Variants in STEAP3 observed in about 807,000 individuals in gnomAD.
STEAP3 encodes the protein STEAP3 metalloreductase, also known as metalloreductase STEAP3.
Under a neutral mutation model 34.9 loss-of-function variants are expected in STEAP3, and 35 were observed. The observed-to-expected ratio is 1.00, with a 90% confidence interval of 0.76 to 1.33. The LOEUF (loss-of-function observed/expected upper bound fraction) is 1.33. Among genes scored for constraint, STEAP3 ranks in the 40% most tolerant of loss-of-function variants. The pLI is 0.00. For synonymous variants in STEAP3, 281 were observed against 301.6 expected, an observed-to-expected ratio of 0.93 and a Z score of 0.71; for missense variants, 652 against 667.6, an observed-to-expected ratio of 0.98 and a Z score of 0.26.
chr2:119,248,166 G>T lies in STEAP3; in HGVS notation c.1010G>T (p.Arg337Leu). Residue 337 changes from arginine (R) to leucine (L), a missense_variant, in exon 4 of 6, where the codon CGC becomes CTC. Transcript: ENST00000393110. ...TACAGCTTCTGCTTGCCGCTGCGCC[G>T]CGCCCACCGCTACGACCTGGTCAAC... ...ALYSFCLPLRRAHRYDLVNLA... is the reference protein window; with the variant it reads ...ALYSFCLPLRLAHRYDLVNLA... 6.2e-7 allele frequency: 1 copy of T among 1,603,772 alleles called. No individual in the cohort carries two copies.
intron 5 of STEAP3, chr2:119,257,659 G>C (rs1677815681): frequency 1.4e-6 from 2 of 1,441,378 alleles, no homozygotes; most frequent in Non-Finnish European, 9.1e-7. Flanking sequence ...CAGGATGCGT[G>C]CAGCCAACAG....
intron 4 of STEAP3, among the ~76,000 whole-genome samples, chr2:119,252,774 C>T (rs532689680): frequency 2.6e-5 from 4 of 152,148 alleles, no homozygotes; most frequent in Non-Finnish European, 5.9e-5. Context: ...TGTCCTCATG[C>T]GGGTCTTTGC....
At chr2:119,235,337 G>A (rs2104799538) in intron 2 of STEAP3, among the ~76,000 whole-genome samples, 1 of 152,316 alleles carries the variant, frequency 6.6e-6, no homozygotes, top group Non-Finnish European at 1.5e-5. Flanking sequence ...AGACAGCATG[G>A]ATACTCGAAG....
chr2:119,256,661 G>T (rs547563397), intron 5 of STEAP3, among the ~76,000 whole-genome samples: 2 of 152,202 alleles, frequency 1.3e-5, no homozygotes, highest in Non-Finnish European at 1.5e-5. Flanking sequence ...AGAGCAGGGG[G>T]GGTTAGGTGG....
intron 5 of STEAP3, among the ~76,000 whole-genome samples, chr2:119,260,596 A>G (rs549794232): frequency 6.6e-6 from 1 of 152,298 alleles, no homozygotes; most frequent in East Asian, 1.9e-4. Flanking sequence ...GCACCCAGCC[A>G]AGACTTATTC....
In STEAP3 at chr2:119,230,917, A is replaced by C; in HGVS notation, c.-96A>C. 6.4e-7 allele frequency: 1 copy of C among 1,554,954 alleles called. No individual in the cohort carries two copies. The highest frequency in any genetic ancestry group is 1.1e-5 in the South Asian group (1 of 89,834). On this transcript the variant is annotated 5_prime_UTR_variant, in exon 2 of 6. Transcript: ENST00000393110. ...GAAACCGAGAGTCAGAACCAAAGCCAGGCTGTCCTGGTTGGAGACTGAGCC... is the reference window on the plus strand; with the variant it reads ...GAAACCGAGAGTCAGAACCAAAGCCCGGCTGTCCTGGTTGGAGACTGAGCC...
intron 4 of STEAP3, chr2:119,248,516 C>T (rs550344373): frequency 1.3e-4 from 42 of 335,010 alleles, no homozygotes; most frequent in African/African-American, 6.5e-4. Context: ...GGAAAGCAAG[C>T]GTGGGCGGTG....
chr2:119,251,925 T>A (rs1677638877), intron 4 of STEAP3, among the ~76,000 whole-genome samples: 1 of 152,134 alleles, frequency 6.6e-6, no homozygotes, highest in African/African-American at 2.4e-5. Context: ...TTGCATTTTG[T>A]AAATACTTTT....
chr2:119,258,653 G>T lies in STEAP3; in HGVS notation c.1215+3805G>T, dbSNP rs1352684611. 5.5e-5 allele frequency among the ~76,000 whole-genome samples: 7 copies of T among 127,086 alleles called. No homozygotes were observed. In the South Asian group the frequency reaches 1.4e-3, roughly 25 times the overall value. The allele number at this position is 127,086 out of a possible 152,430, so 83.4% of individuals were successfully genotyped here. ...GACGGAGTCTCACTCCGTCACCCAGGCTGGAGTGCAGTGGCACAATCTCGG... is the reference window on the plus strand; with the variant it reads ...GACGGAGTCTCACTCCGTCACCCAGTCTGGAGTGCAGTGGCACAATCTCGG... On this transcript the variant is annotated intron_variant, in intron 5 of 5. Transcript: ENST00000393110.
At chr2:119,227,850 G>C (rs1035509182) in intron 1 of STEAP3, among the ~76,000 whole-genome samples, 11 of 81,638 alleles carry the variant, frequency 1.3e-4, no homozygotes, top group African/African-American at 3.7e-4. Flanking sequence ...ATTTTTTGGA[G>C]ACAGAATCTC....
At chr2:119,257,406 G>A in intron 5 of STEAP3, 2 of 1,421,866 alleles carry the variant, frequency 1.4e-6, no homozygotes, top group Non-Finnish European at 1.8e-6. Context: ...GATGGCTCTG[G>A]CAATCTATTT....
intron 5 of STEAP3, chr2:119,257,395 G>A: frequency 1.4e-6 from 2 of 1,404,496 alleles, no homozygotes; most frequent in Non-Finnish European, 1.9e-6. Context: ...AGATGCTGAG[G>A]GATGGCTCTG....
chr2:119,233,210 A>G (rs1354800829), intron 2 of STEAP3, among the ~76,000 whole-genome samples: 5 of 152,128 alleles, frequency 3.3e-5, no homozygotes, highest in Non-Finnish European at 7.4e-5. Flanking sequence ...GAAGCCATTG[A>G]CTCAGCATCC....
At position 119,263,411 on chromosome 2, in the gene STEAP3, T is replaced by C; in HGVS notation, c.*73T>C. The C allele has an allele frequency of 6.4e-7, 1 of 1,550,566 alleles. No homozygotes were observed. Among genetic ancestry groups the C allele is most frequent in the Non-Finnish European group, 8.7e-7 (1 of 1,149,874 alleles). On this transcript the variant is annotated 3_prime_UTR_variant, in exon 6 of 6. Coordinates refer to ENST00000393110, the MANE Select transcript of STEAP3 (RefSeq NM_182915.3). ...CTGAGCCCGTTAGGTTTTCTTTTCTTGGTGGTGCAAAGTGGTATAACTGTG... is the reference window on the plus strand; with the variant it reads ...CTGAGCCCGTTAGGTTTTCTTTTCTCGGTGGTGCAAAGTGGTATAACTGTG...
chr2:119,263,211 C>T lies in STEAP3; in HGVS notation c.1370C>T (p.Ala457Val). Residue 457 changes from alanine to valine, a missense_variant, in exon 6 of 6, where the codon GCC becomes GTC. Transcript: ENST00000393110. The part of the protein sequence containing the change: ...LVPCVVILAK[A>V]LFLLPCISRR... ...CCCTGCGTCGTCATCCTGGCCAAAG[C>T]CCTGTTTCTCCTGCCCTGCATCAGC... 1 of 1,614,196 alleles carries T rather than the reference C, an allele frequency of 6.2e-7. No individual in the cohort carries two copies. Among genetic ancestry groups the T allele is most frequent in the South Asian group, 1.1e-5 (1 of 91,082 alleles).
chr2:119,253,810 T>TC (rs933937574), intron 4 of STEAP3, among the ~76,000 whole-genome samples: 1 of 151,350 alleles, frequency 6.6e-6, no homozygotes, highest in African/African-American at 2.4e-5. Flanking sequence ...AATTTATATG[T>TC]CCTGGAACTT....
intron 2 of STEAP3, among the ~76,000 whole-genome samples, chr2:119,231,708 C>G (rs1676943528): frequency 6.6e-6 from 1 of 152,018 alleles, no homozygotes; most frequent in South Asian, 2.1e-4. Flanking sequence ...AACTTCTCAG[C>G]CTTCCTTTTA....
chr2:119,240,676 C>A (rs1223516871), intron 2 of STEAP3, among the ~76,000 whole-genome samples: 1 of 152,226 alleles, frequency 6.6e-6, no homozygotes, highest in Non-Finnish European at 1.5e-5. Context: ...TGGGCAGAGA[C>A]CCAGAGGGGA....
At chr2:119,260,326 T>C (rs1000356236) in intron 5 of STEAP3, among the ~76,000 whole-genome samples, 6 of 151,710 alleles carry the variant, frequency 4.0e-5, no homozygotes, top group African/African-American at 1.5e-4. Flanking sequence ...TTTTCTTTTT[T>C]TTTGAGACGG....
Sources: gnomAD v4.1 joint callset for allele counts (sites outside exome capture counted in the v4.1 genomes callset) on GRCh38, gnomAD v4.1.1 for gene constraint, MANE v1.5 for transcripts, NCBI Gene and HGNC (gene_info 2026-07-23, HGNC 2026-07-21) for gene names.